Variants in LRRC1 observed in about 807,000 individuals in gnomAD.
LRRC1 encodes leucine rich repeat containing 1.
In LRRC1, 28 loss-of-function variants were observed where a neutral mutation model predicts 69.9. The ratio of observed to expected loss-of-function variants is 0.40; its 90% CI spans 0.30 to 0.55. The LOEUF is 0.55. LRRC1 is among the 20% of genes least tolerant of loss of function. The pLI, the probability that LRRC1 is intolerant of heterozygous loss-of-function variation, is 0.47. For missense variants in LRRC1, 498 were observed against 609.0 expected (o/e 0.82, Z 1.92); for synonymous variants, 236 against 240.2 (o/e 0.98, Z 0.16).
At chr6:53,898,108 G>A (rs2127436092) in intron 7 of LRRC1, among the ~76,000 whole-genome samples, 1 of 152,262 alleles carries the variant, frequency 6.6e-6, no homozygotes, top group South Asian at 2.1e-4. Context: ...TATTTTCAGT[G>A]GGGAATGCCA....
chr6:53,885,471 A>AACATG (rs1453665810), intron 4 of LRRC1, among the ~76,000 whole-genome samples: 1 of 152,226 alleles, frequency 6.6e-6, no homozygotes, highest in East Asian at 1.9e-4. Context: ...AATTTGAAAG[A>AACATG]ACATGGAATG....
intron 7 of LRRC1, among the ~76,000 whole-genome samples, chr6:53,898,165 T>A (rs1437303571): frequency 6.6e-6 from 1 of 152,204 alleles, no homozygotes; most frequent in South Asian, 2.1e-4. Context: ...CTTTAGTAAA[T>A]TTTTAGTTGT....
intron 2 of LRRC1, among the ~76,000 whole-genome samples, chr6:53,862,661 C>A (rs1418823428): frequency 6.6e-6 from 1 of 152,144 alleles, no homozygotes; most frequent in Non-Finnish European, 1.5e-5. Flanking sequence ...TTCCTGCCTC[C>A]CCTTCTGTAC....
At chr6:53,810,710 T>G (rs1020344214) in intron 1 of LRRC1, among the ~76,000 whole-genome samples, 2 of 152,222 alleles carry the variant, frequency 1.3e-5, no homozygotes, top group South Asian at 4.1e-4. Context: ...AAAACATACA[T>G]AAATAGGGTA....
chr6:53,810,656 T>C (rs970550589), intron 1 of LRRC1, among the ~76,000 whole-genome samples: 4 of 152,114 alleles, frequency 2.6e-5, no homozygotes, highest in Admixed American at 2.0e-4. Flanking sequence ...ACATTTTCCC[T>C]AGATTTTATT....
At chr6:53,915,543 A>G (rs1370285204) in intron 11 of LRRC1, among the ~76,000 whole-genome samples, 1 of 152,214 alleles carries the variant, frequency 6.6e-6, no homozygotes, top group Non-Finnish European at 1.5e-5. Flanking sequence ...CAATGAGTCA[A>G]CATTTGCTGG....
chr6:53,883,612 C>A (rs117745966), intron 4 of LRRC1, among the ~76,000 whole-genome samples: 1 of 152,160 alleles, frequency 6.6e-6, no homozygotes, highest in East Asian at 1.9e-4. Context: ...TTCCCACAGA[C>A]GAACTAGTTG....
chr6:53,877,333 G>A (rs1027135246), intron 2 of LRRC1, among the ~76,000 whole-genome samples: 1 of 152,192 alleles, frequency 6.6e-6, no homozygotes, highest in Non-Finnish European at 1.5e-5. Context: ...GATAGGAGGG[G>A]CTGCCATGAA....
intron 10 of LRRC1, among the ~76,000 whole-genome samples, chr6:53,905,838 A>C (rs1231368021): frequency 6.6e-6 from 1 of 152,228 alleles, no homozygotes; most frequent in African/African-American, 2.4e-5. Context: ...TCATCTAAGT[A>C]AACTGTTTCT....
At chr6:53,827,219 T>G (rs1765293924) in intron 1 of LRRC1, among the ~76,000 whole-genome samples, 1 of 150,622 alleles carries the variant, frequency 6.6e-6, no homozygotes, top group African/African-American at 2.4e-5. Flanking sequence ...CTAGAGGTTG[T>G]GAGGGTGGGG....
intron 2 of LRRC1, among the ~76,000 whole-genome samples, chr6:53,876,811 G>A (rs1174129027): frequency 1.3e-5 from 2 of 152,188 alleles, no homozygotes; most frequent in Admixed American, 6.5e-5. Flanking sequence ...CCCCTTACCT[G>A]GCTGCTTTCA....
chr6:53,914,751 CTTCTT>C (rs1368734896), intron 11 of LRRC1, among the ~76,000 whole-genome samples: 1 of 152,160 alleles, frequency 6.6e-6, no homozygotes, highest in African/African-American at 2.4e-5. Context: ...CCTTGGCTCT[CTTCTT>C]CATCACTCAA....
intron 1 of LRRC1, among the ~76,000 whole-genome samples, chr6:53,809,999 A>G (rs2127405205): frequency 6.6e-6 from 1 of 152,354 alleles, no homozygotes; most frequent in Non-Finnish European, 1.5e-5. Context: ...AGCAAGGCTG[A>G]CAGTGACAGT....
chr6:53,840,919 T>C (rs1261356869), intron 1 of LRRC1, among the ~76,000 whole-genome samples: 1 of 145,112 alleles, frequency 6.9e-6, no homozygotes, highest in Non-Finnish European at 1.5e-5. Context: ...TGTGTGTGTG[T>C]GTGTGTGTGC....
At chr6:53,815,439 T>C (rs763585040) in intron 1 of LRRC1, among the ~76,000 whole-genome samples, 1 of 135,846 alleles carries the variant, frequency 7.4e-6, no homozygotes, top group Admixed American at 8.0e-5. Context: ...TTTGAGATTT[T>C]CTTTTCTCTT....
At chr6:53,849,442 GT>G (rs1334426265) in intron 2 of LRRC1, among the ~76,000 whole-genome samples, 9 of 152,202 alleles carry the variant, frequency 5.9e-5, no homozygotes, top group Non-Finnish European at 1.3e-4. Flanking sequence ...CAGGTTGATG[GT>G]TTCCAGCCAC....
At position 53,866,278 on chromosome 6, in the gene LRRC1, G is replaced by A. The variant is rs1020936888; in HGVS notation, c.278-12715G>A. ...CTTTACCTCTCAGTAGACTTGTGAG[G>A]TGGAGGAGACAGAGATTCCAGATCC... On this transcript the variant is annotated intron_variant, in intron 2 of 13. Transcript: ENST00000370888. Among the ~76,000 whole-genome samples the A allele has an allele frequency of 6.3e-4, 96 of 152,288 alleles. 1 individual carries two copies. The highest frequency in any genetic ancestry group is 2.3e-3 in the African/African-American group (94 of 41,518).
chr6:53,922,444 C>T (rs954195663), intron 13 of LRRC1, among the ~76,000 whole-genome samples, 191 bp from the exon 14 acceptor site: 16 of 152,124 alleles, frequency 1.1e-4, no homozygotes, highest in African/African-American at 3.9e-4. Flanking sequence ...TTACATGGAA[C>T]ACTTTCCCTT....
chr6:53,872,702 T>G, intron 2 of LRRC1, among the ~76,000 whole-genome samples: 1 of 151,826 alleles, frequency 6.6e-6, no homozygotes, highest in East Asian at 1.9e-4. Flanking sequence ...TTGCATTGAA[T>G]CTATAGATTG....
Sources: allele counts gnomAD v4.1 joint callset (sites outside exome capture counted in the v4.1 genomes callset), GRCh38; gene constraint gnomAD v4.1.1; transcripts MANE v1.5; gene names NCBI Gene and HGNC (gene_info 2026-07-23, HGNC 2026-07-21).